RTN1: variants seen among roughly 807,000 people sequenced by gnomAD.
The protein encoded by RTN1 is reticulon 1, also known as reticulon-1.
In RTN1, 25 loss-of-function variants were observed where a neutral mutation model predicts 65.5. That is an observed-to-expected ratio of 0.38 (90% CI 0.28 to 0.53). The LOEUF (loss-of-function observed/expected upper bound fraction) is 0.53, where lower values mean the gene tolerates loss of function less well. Ranked by LOEUF, RTN1 falls within the 20% of genes least tolerant of loss-of-function variation. RTN1 has a pLI of 0.79. For synonymous variants in RTN1, 471 were observed against 447.6 expected, an observed-to-expected ratio of 1.05 and a Z score of -0.66; for missense variants, 983 against 1,025.4, an observed-to-expected ratio of 0.96 and a Z score of 0.57.
At chr14:59,860,062 T>A (rs1255730299) in intron 1 of RTN1, among the ~76,000 whole-genome samples, 1 of 152,166 alleles carries the variant, frequency 6.6e-6, no homozygotes, top group Non-Finnish European at 1.5e-5. Context: ...GAGATTTGCA[T>A]AAGTAACAAG....
rs1884765536 is a variant in RTN1, at chr14:59,726,591, G to A, written c.1765+328C>T. Among the ~76,000 whole-genome samples the A allele has an allele frequency of 2.6e-5, 4 of 152,320 alleles. No homozygotes were observed. The South Asian group carries it at 8.3e-4, about 32-fold the overall frequency. The stretch of plus-strand genomic sequence containing the variant: ...AACAAGAAAAGCATCGCTTTCCTGG[G>A]GGAGGAAACCCAGCCCTGGAATGGA... On this transcript the variant is annotated intron_variant, in intron 3 of 8. Coordinates refer to ENST00000267484, the MANE Select transcript of RTN1 (RefSeq NM_021136.3).
rs2140160445 is a variant in RTN1 at position 59,603,910 on chromosome 14, C to G, written c.2124G>C (p.Leu708=). The part of the protein sequence containing the change: ...DLVDSLKFAV[L]MWLLTYVGAL... Reference sequence around the variant, plus strand: ...CGCCAACGTAGGTCAGGAGCCACATCAGGACTGCAAACTGAAGAACGAAAG... The same window carrying G: ...CGCCAACGTAGGTCAGGAGCCACATGAGGACTGCAAACTGAAGAACGAAAG... Residue 708 remains leucine, a synonymous_variant, in exon 6 of 9, where the codon CTG becomes CTC. Coordinates refer to ENST00000267484, the MANE Select transcript of RTN1 (RefSeq NM_021136.3). The G allele has an allele frequency of 6.2e-7, 1 of 1,611,546 alleles. No homozygotes were observed. The highest frequency in any genetic ancestry group is 2.2e-5 in the East Asian group (1 of 44,794).
chr14:59,867,908 A>T (rs529241084), intron 1 of RTN1, among the ~76,000 whole-genome samples: 6 of 152,310 alleles, frequency 3.9e-5, no homozygotes, highest in Admixed American at 3.9e-4. Context: ...CAGGAAGCAG[A>T]CCCTGACCAG....
At chr14:59,646,570 C>T (rs2140195787) in intron 3 of RTN1, among the ~76,000 whole-genome samples, 1 of 152,144 alleles carries the variant, frequency 6.6e-6, no homozygotes, top group South Asian at 2.1e-4. Context: ...GAAAGGGAAC[C>T]CCATCAGGCT....
chr14:59,848,015 C>G (rs768440622), intron 1 of RTN1, among the ~76,000 whole-genome samples: 9 of 152,122 alleles, frequency 5.9e-5, no homozygotes, highest in Non-Finnish European at 1.2e-4. Flanking sequence ...CTTCTAAGCC[C>G]CACTTCATTA....
chr14:59,656,986 AT>A (rs1221884813), intron 3 of RTN1, among the ~76,000 whole-genome samples: 1 of 151,950 alleles, frequency 6.6e-6, no homozygotes, highest in Non-Finnish European at 1.5e-5. Flanking sequence ...CCCCACTTTT[AT>A]TTTTTTCAAG....
intron 3 of RTN1, among the ~76,000 whole-genome samples, chr14:59,645,674 T>G (rs181765651): frequency 6.6e-6 from 1 of 152,310 alleles, no homozygotes; most frequent in East Asian, 1.9e-4. Flanking sequence ...GGCACTGGTC[T>G]GAACCCCCAG....
chr14:59,748,396 C>G (rs537620929), intron 1 of RTN1, among the ~76,000 whole-genome samples: 1 of 152,022 alleles, frequency 6.6e-6, no homozygotes, highest in South Asian at 2.1e-4. Context: ...TAGCTGTTTC[C>G]TTTTCTTGGA....
chr14:59,831,124 G>A (rs1465383724), intron 1 of RTN1, among the ~76,000 whole-genome samples: 1 of 152,220 alleles, frequency 6.6e-6, no homozygotes, highest in Non-Finnish European at 1.5e-5. Flanking sequence ...TTGAAAGAAG[G>A]ACATACCTCT....
rs1884790246 is a variant in RTN1 at position 59,727,259 on chromosome 14, CGAG to C, written c.1422_1424del (p.Ser475del). On this transcript the variant is annotated inframe_deletion, in exon 3 of 9. Transcript: ENST00000267484. The surrounding 1 kb of genome is among the most constrained non-coding windows in gnomAD (Gnocchi z 4.2). ...CCCGCTTGGGGCTCTCCTCCGAGGCCGAGGAGGCGTCGCACGACTCGATGATGA... is the reference window on the plus strand; with the variant it reads ...CCCGCTTGGGGCTCTCCTCCGAGGCCGAGGCGTCGCACGACTCGATGATGA... The C allele has an allele frequency of 6.6e-7, 1 of 1,521,196 alleles. No homozygotes were observed. Among genetic ancestry groups the C allele is most frequent in the Admixed American group, 2.1e-5 (1 of 46,984 alleles). The allele number at this position is 1,521,196 out of a possible 1,614,324, so 94.2% of individuals were successfully genotyped here.
chr14:59,721,912 C>T lies in RTN1; in HGVS notation c.1765+5007G>A, dbSNP rs538640557. The stretch of plus-strand genomic sequence containing the variant: ...TTCTTCTAAATGATTTTGTTGCTCT[C>T]CAATGGATGGATGGATGAAAATTCA... On this transcript the variant is annotated intron_variant, in intron 3 of 8. Transcript: ENST00000267484. 9.7e-4 allele frequency among the ~76,000 whole-genome samples: 147 copies of T among 152,216 alleles called. 1 individual carries two copies. Among genetic ancestry groups the T allele is most frequent in the South Asian group, 5.2e-3 (25 of 4,828 alleles).
chr14:59,709,516 T>C (rs1295528052), intron 3 of RTN1, among the ~76,000 whole-genome samples: 1 of 152,192 alleles, frequency 6.6e-6, no homozygotes, highest in African/African-American at 2.4e-5. Flanking sequence ...AGTGAGCGGA[T>C]GCACAACTAC....
chr14:59,801,994 G>C (rs1425522563), intron 1 of RTN1, among the ~76,000 whole-genome samples: 1 of 152,102 alleles, frequency 6.6e-6, no homozygotes, highest in Non-Finnish European at 1.5e-5. Flanking sequence ...TACTCCCCAA[G>C]TATATTTCAG....
At chr14:59,750,264 TA>T (rs1262520579) in intron 1 of RTN1, among the ~76,000 whole-genome samples, 4 of 71,356 alleles carry the variant, frequency 5.6e-5, no homozygotes, top group African/African-American at 2.7e-4. Context: ...ATAATATATA[TA>T]ATATCTATAA....
intron 3 of RTN1, chr14:59,630,776 G>A (rs554236309): frequency 6.3e-5 from 67 of 1,060,874 alleles, no homozygotes; most frequent in Non-Finnish European, 7.4e-5. Context: ...TGGCTGGGCT[G>A]CCCAAGGGTG....
intron 1 of RTN1, among the ~76,000 whole-genome samples, chr14:59,750,869 A>G (rs1397375525): frequency 6.7e-6 from 1 of 148,182 alleles, no homozygotes; most frequent in Admixed American, 7.0e-5. Context: ...ATGCACCAGC[A>G]TGACTGGCTA....
chr14:59,750,116 A>AT (rs1885424177), intron 1 of RTN1, among the ~76,000 whole-genome samples: 2 of 85,774 alleles, frequency 2.3e-5, no homozygotes, highest in Non-Finnish European at 4.1e-5. Flanking sequence ...TATTATATAT[A>AT]ATATATATTA....
chr14:59,850,341 A>C (rs1206702091), intron 1 of RTN1, among the ~76,000 whole-genome samples: 1 of 152,244 alleles, frequency 6.6e-6, no homozygotes, highest in East Asian at 1.9e-4. Context: ...TGCAGTTAGG[A>C]AAAATAATCT....
At chr14:59,842,466 A>T (rs899042761) in intron 1 of RTN1, among the ~76,000 whole-genome samples, 1 of 152,126 alleles carries the variant, frequency 6.6e-6, no homozygotes, top group Non-Finnish European at 1.5e-5. Flanking sequence ...AATTTGAATG[A>T]CTTTTTTTTT....
Sources: gnomAD v4.1 joint callset for allele counts (sites outside exome capture counted in the v4.1 genomes callset) on GRCh38, gnomAD v4.1.1 for gene constraint, Gnocchi (gnomAD v3.1) non-coding constraint, MANE v1.5 for transcripts, NCBI Gene and HGNC (gene_info 2026-07-23, HGNC 2026-07-21) for gene names.